ZNF844: variants seen among roughly 807,000 people sequenced by gnomAD.
ZNF844 encodes the protein zinc finger protein 844.
Under a neutral mutation model 11.4 loss-of-function variants are expected in ZNF844, and 11 were observed. The observed-to-expected ratio is 0.97, with a 90% CI of 0.61 to 1.60. The LOEUF (loss-of-function observed/expected upper bound fraction) is 1.60. Ranked by LOEUF, ZNF844 falls within the 40% of genes most tolerant of loss-of-function variation. The pLI is 0.00. For synonymous variants in ZNF844, 248 were observed against 260.3 expected (o/e 0.95, Z 0.46); for missense variants, 790 against 796.8 (o/e 0.99, Z 0.10).
At chr19:12,065,012 T>A in intron 1 of ZNF844, 136 bp downstream of exon 1, 1 of 941,132 alleles carries the variant, frequency 1.1e-6, no homozygotes, top group Non-Finnish European at 1.5e-6. Flanking sequence ...CGAGCCCCGC[T>A]GGCGCAGCTC....
At chr19:12,066,723 T>G (rs1483292908) in intron 1 of ZNF844, among the ~76,000 whole-genome samples, 1 of 151,204 alleles carries the variant, frequency 6.6e-6, no homozygotes, top group Admixed American at 6.6e-5. Flanking sequence ...ATTTTTTGTG[T>G]TTTTAGTAGA....
intron 1 of ZNF844, 54 bp from the exon 2 acceptor site, chr19:12,073,977 C>T: frequency 6.3e-7 from 1 of 1,580,416 alleles, no homozygotes; most frequent in Non-Finnish European, 8.6e-7. Context: ...AGGGTATAGA[C>T]CCCCAGTGCT....
At position 12,080,358 on chromosome 19, in the gene ZNF844, A is replaced by AAG. The variant is rs1975883684; in HGVS notation, c.*3238_*3239insGA. The AAG allele has an allele frequency of 7.9e-6, 3 of 378,642 alleles. No individual in the cohort carries two copies. Among genetic ancestry groups the AAG allele is most frequent in the African/African-American group, 4.5e-5 (2 of 44,630 alleles). The allele number at this position is 378,642 out of a possible 1,614,324, so 23.5% of individuals were successfully genotyped here. On this transcript the variant is annotated 3_prime_UTR_variant, in exon 4 of 4. Coordinates refer to ENST00000439326, the MANE Select transcript of ZNF844 (RefSeq NM_001136501.3). ...CAAGACTCCGTCTCAAAAAAAAAAA[A>AAG]AAAAAAAAGAGAAGTCTGACAGGAC... is the stretch of plus-strand genomic sequence containing the variant.
At chr19:12,067,951 A>AAGGAAGGAAGGAAGGAAGGAAG (rs1555717793) in intron 1 of ZNF844, among the ~76,000 whole-genome samples, 3 of 14,672 alleles carry the variant, frequency 2.0e-4, no homozygotes, top group African/African-American at 6.8e-4. Context: ...AAAGAAGGAA[A>AAGGAAGGAAGGAAGGAAGGAAG]GAAGGAAAGA....
chr19:12,076,806 T>C lies in ZNF844; in HGVS notation c.1686T>C (p.Asn562=), dbSNP rs79709447. Residue 562 remains asparagine, a synonymous_variant, in exon 4 of 4, where the codon AAT becomes AAC. Coordinates refer to ENST00000439326, the MANE Select transcript of ZNF844 (RefSeq NM_001136501.3). The part of the protein sequence containing the change: ...RHTLERNPIR[N]MEKHSTISLP... ...CCCTGGAGAGAAACCCTATAAGGAA[T>C]ATGGAAAAGCATTCAACAATTTCTC... The C allele has an allele frequency of 0.011, 16,775 of 1,561,890 alleles. 125 individuals carry two copies. Among genetic ancestry groups the C allele is most frequent in the Non-Finnish European group, 0.012 (14,296 of 1,152,714 alleles).
chr19:12,071,438 G>T (rs1481150505), intron 1 of ZNF844, among the ~76,000 whole-genome samples: 1 of 152,330 alleles, frequency 6.6e-6, no homozygotes, highest in East Asian at 1.9e-4. Context: ...GCTTTAAAGA[G>T]TATGCTTGTG....
intron 1 of ZNF844, among the ~76,000 whole-genome samples, chr19:12,072,480 T>C (rs1187782143): frequency 1.3e-5 from 2 of 152,152 alleles, no homozygotes; most frequent in Non-Finnish European, 2.9e-5. Context: ...CTGTTTTCCA[T>C]AAAGATTGAG....
intron 1 of ZNF844, 30 bp from the exon 2 acceptor site, chr19:12,074,001 A>AC: frequency 6.2e-7 from 1 of 1,603,904 alleles, no homozygotes; most frequent in African/African-American, 1.3e-5. Context: ...AGTCTCACCC[A>AC]TCCTCCTCTA....
In ZNF844 at chr19:12,064,756, A is replaced by G. The variant is rs926862255; in HGVS notation, c.-118A>G. The G allele has an allele frequency of 2.5e-5, 27 of 1,080,048 alleles. No individual in the cohort carries two copies. The Admixed American group carries it at 3.3e-4, about 13-fold the overall frequency. 66.9% of individuals were successfully genotyped at this position (1,080,048 alleles called of 1,614,324 possible). ...AGTCTTTGGCCCCTCCCGCCGGGTG[A>G]GGTTGGCACCCCGTTTTTCCTGCTC... On this transcript the variant is annotated 5_prime_UTR_variant, in exon 1 of 4. Coordinates refer to ENST00000439326, the MANE Select transcript of ZNF844 (RefSeq NM_001136501.3).
Position 12,064,793 on chromosome 19 carries a change from G to T in ZNF844, c.-81G>T, listed in dbSNP as rs1975669315. The T allele has an allele frequency of 6.7e-7, 1 of 1,491,934 alleles. No individual in the cohort carries two copies. The highest frequency in any genetic ancestry group is 9.1e-7 in the Non-Finnish European group (1 of 1,103,578). 92.4% of individuals were successfully genotyped at this position (1,491,934 alleles called of 1,614,324 possible). A position where few individuals can be genotyped will look rare whatever the true frequency, so the allele number is the denominator to read the frequency against. ...CGTTTTTCCTGCTCTGAGAGGGACC[G>T]GTTGCCACCGCCATACTTCTGTCGC... On this transcript the variant is annotated 5_prime_UTR_variant, in exon 1 of 4. Coordinates refer to ENST00000439326, the MANE Select transcript of ZNF844 (RefSeq NM_001136501.3).
intron 1 of ZNF844, among the ~76,000 whole-genome samples, chr19:12,068,376 C>G (rs979101167): frequency 7.2e-5 from 11 of 152,008 alleles, no homozygotes; most frequent in African/African-American, 1.2e-4. Flanking sequence ...GCCTGTAAAC[C>G]CAGCACCTTG....
At position 12,077,647 on chromosome 19, in the gene ZNF844, G is replaced by A; in HGVS notation, c.*526G>A. The A allele has an allele frequency of 3.7e-6, 2 of 539,186 alleles. No individual in the cohort carries two copies. 33.4% of individuals were successfully genotyped at this position (539,186 alleles called of 1,614,324 possible). The stretch of plus-strand genomic sequence containing the variant: ...GAGAAACCCTATGAATGTAAGCAAT[G>A]TGGGAAAGCCTACAGATCTGTCTCA... On this transcript the variant is annotated 3_prime_UTR_variant, in exon 4 of 4. Transcript: ENST00000439326.
In ZNF844 at chr19:12,076,238, T is replaced by G. The variant is rs756691430; in HGVS notation, c.1118T>G (p.Leu373Trp). The G allele has an allele frequency of 6.2e-7, 1 of 1,608,242 alleles. No homozygotes were observed. The highest frequency in any genetic ancestry group is 8.5e-7 in the Non-Finnish European group (1 of 1,177,266). The change falls in exon 4 of 4, where the codon TTG (leucine) becomes TGG (tryptophan). Residue 373 changes from leucine (L) to tryptophan (W), a missense_variant. By Grantham distance (61) the Leu-to-Trp change is moderately conservative. This residue lies in a region of ZNF844 where 657 missense variants were observed against 636.2 expected (regional missense o/e 1.03). Coordinates refer to ENST00000439326, the MANE Select transcript of ZNF844 (RefSeq NM_001136501.3). ...AAATGTAAGACTGTGGAAAAGCCTTTGATTCTCCCAGTTCGTTTTGAAGAC... is the reference window on the plus strand; with the variant it reads ...AAATGTAAGACTGTGGAAAAGCCTTGGATTCTCCCAGTTCGTTTTGAAGAC... ...PYKCKTVEKP[L>W]ILPVRFEDMK...
intron 1 of ZNF844, among the ~76,000 whole-genome samples, chr19:12,067,943 A>AGAAAGAAGGAAGGAAGGAAG (rs1555717778): frequency 1.3e-5 from 1 of 79,356 alleles, no homozygotes; most frequent in South Asian, 3.2e-4. Context: ...AAAGAAAGAA[A>AGAAAGAAGGAAGGAAGGAAG]GAAGGAAAGA....
intron 1 of ZNF844, among the ~76,000 whole-genome samples, chr19:12,066,867 C>T (rs1169740213): frequency 6.6e-6 from 1 of 152,040 alleles, no homozygotes; most frequent in African/African-American, 2.4e-5. Context: ...AAAGTTAGCT[C>T]AGCCTAAGCC....
chr19:12,065,013 G>T, intron 1 of ZNF844, 137 bp downstream of exon 1: 1 of 921,710 alleles, frequency 1.1e-6, no homozygotes, highest in South Asian at 2.1e-5. Context: ...GAGCCCCGCT[G>T]GCGCAGCTCG....
intron 1 of ZNF844, among the ~76,000 whole-genome samples, chr19:12,068,564 G>A (rs750655099): frequency 3.9e-5 from 6 of 152,080 alleles, no homozygotes; most frequent in Admixed American, 6.5e-5. Flanking sequence ...ACCAGAAGGC[G>A]GAGGTTGTAG....
intron 1 of ZNF844, among the ~76,000 whole-genome samples, chr19:12,068,854 A>G (rs984464634): frequency 7.9e-5 from 12 of 152,168 alleles, no homozygotes; most frequent in Non-Finnish European, 1.8e-4. Flanking sequence ...TTCTCATTGA[A>G]TCAGACCTGA....
chr19:12,075,883 T>G lies in ZNF844; in HGVS notation c.763T>G (p.Cys255Gly), dbSNP rs1403690600. 6.2e-7 allele frequency: 1 copy of G among 1,610,052 alleles called. No homozygotes were observed. The highest frequency in any genetic ancestry group is 2.2e-5 in the East Asian group (1 of 44,712). Reference protein sequence around the residue: ...RTHTGEKPYECKECGKAFGSP... With the variant: ...RTHTGEKPYEGKECGKAFGSP... ...TCACACTGGAGAGAAGCCTTATGAA[T>G]GTAAGGAATGTGGGAAAGCATTCGG... is the stretch of plus-strand genomic sequence containing the variant. Residue 255 changes from cysteine (C) to glycine (G), a missense_variant, in exon 4 of 4, where the codon TGT becomes GGT. Cys to Gly is a radical substitution (Grantham distance 159, BLOSUM62 -3). Around this residue, in one of 3 missense-constraint regions of ZNF844, gnomAD observed 657 missense variants for 636.2 expected, o/e 1.03. Coordinates refer to ENST00000439326, the MANE Select transcript of ZNF844 (RefSeq NM_001136501.3).
Sources: allele counts gnomAD v4.1 joint callset (sites outside exome capture counted in the v4.1 genomes callset), GRCh38; gene constraint gnomAD v4.1.1; regional missense constraint gnomAD v4.1.1; transcripts MANE v1.5; gene names NCBI Gene and HGNC (gene_info 2026-07-23, HGNC 2026-07-21).